The following PDPN variants were observed in gnomAD, a reference collection of about 807,000 sequenced individuals.
The protein encoded by PDPN is podoplanin, also known as PA2.26 antigen.
PDPN carries 12 observed loss-of-function variants against 23.2 expected under a neutral mutation model. That is an observed-to-expected ratio of 0.52 (90% CI 0.33 to 0.84). The LOEUF (loss-of-function observed/expected upper bound fraction) is 0.84. PDPN is among the 40% of genes least tolerant of loss of function. PDPN has a pLI of 0.02. For synonymous variants in PDPN, 77 were observed against 76.7 expected, an observed-to-expected ratio of 1.00 and a Z score of -0.02; for missense variants, 199 against 212.2, an observed-to-expected ratio of 0.94 and a Z score of 0.39.
At chr1:13,588,226 A>G (rs1311952404) in intron 1 of PDPN, among the ~76,000 whole-genome samples, 1 of 152,214 alleles carries the variant, frequency 6.6e-6, no homozygotes, top group Non-Finnish European at 1.5e-5. Context: ...CGTAGGCAAT[A>G]GAGGGAGACC....
At chr1:13,587,184 G>C (rs796169867) in intron 1 of PDPN, among the ~76,000 whole-genome samples, 7 of 152,218 alleles carry the variant, frequency 4.6e-5, no homozygotes, top group African/African-American at 1.7e-4. Flanking sequence ...TCCCCATAAT[G>C]TTCTTTTAAG....
In PDPN at chr1:13,610,393, A is replaced by G. The variant is rs776892392; in HGVS notation, c.208A>G (p.Thr70Ala). Residue 70 changes from threonine to alanine, a missense_variant, in exon 3 of 6, where the codon ACA (threonine) becomes GCA (alanine). Transcript: ENST00000621990. ...YKSGLTTLVATSVNSVTGIRI... is the reference protein window; with the variant it reads ...YKSGLTTLVAASVNSVTGIRI... ...TCATTTACACCTACAATAGGTGGCA[A>G]CAAGTGTCAACAGTGTAACAGGCAT... is the stretch of plus-strand genomic sequence containing the variant. 2.4e-5 allele frequency: 38 copies of G among 1,613,226 alleles called. No individual in the cohort carries two copies. Among genetic ancestry groups the G allele is most frequent in the Non-Finnish European group, 3.1e-5 (36 of 1,179,510 alleles).
Position 13,583,948 on chromosome 1 carries a change from G to GA in PDPN, c.-86_-85insA. The GA allele has an allele frequency of 6.2e-7, 1 of 1,613,712 alleles. No homozygotes were observed. On this transcript the variant is annotated 5_prime_UTR_variant, in exon 1 of 6. Transcript: ENST00000621990. Reference sequence around the variant, plus strand: ...CCACCGTCGCGCTCCTCCAGGCTGGGCCTGTGGCCGCGGTGCTTTTTAATT... The same window carrying GA: ...CCACCGTCGCGCTCCTCCAGGCTGGGACCTGTGGCCGCGGTGCTTTTTAATT...
At chr1:13,612,621 G>A (rs907353496) in intron 3 of PDPN, among the ~76,000 whole-genome samples, 1 of 152,134 alleles carries the variant, frequency 6.6e-6, no homozygotes, top group African/African-American at 2.4e-5. Flanking sequence ...GAGCTCTTAC[G>A]TGCTCTATAC....
At chr1:13,590,720 T>A (rs946325421) in intron 1 of PDPN, among the ~76,000 whole-genome samples, 1 of 151,970 alleles carries the variant, frequency 6.6e-6, no homozygotes, top group Non-Finnish European at 1.5e-5. Context: ...GATGAGTCCG[T>A]GCTGAGTGGA....
Position 13,616,228 on chromosome 1 carries a change from C to T in PDPN, c.*317C>T, listed in dbSNP as rs1001382614. On this transcript the variant is annotated 3_prime_UTR_variant, in exon 6 of 6. Coordinates refer to ENST00000621990, the MANE Select transcript of PDPN (RefSeq NM_006474.5). ...TGTAACTAACACTGGACCATTGGATCGATATTATATGCTGTAACCATGTGT... is the reference window on the plus strand; with the variant it reads ...TGTAACTAACACTGGACCATTGGATTGATATTATATGCTGTAACCATGTGT... 4 of 423,016 alleles carry T rather than the reference C, an allele frequency of 9.5e-6. No homozygotes were observed. Among genetic ancestry groups the T allele is most frequent in the Non-Finnish European group, 1.7e-5 (4 of 234,670 alleles). 26.2% of individuals were successfully genotyped at this position (423,016 alleles called of 1,614,324 possible).
intron 1 of PDPN, among the ~76,000 whole-genome samples, chr1:13,605,808 AGAT>A (rs560256013): frequency 1.2e-3 from 175 of 152,118 alleles, no homozygotes; most frequent in African/African-American, 4.0e-3. Flanking sequence ...TTTTTAGTAG[AGAT>A]GGGATTTCAC....
chr1:13,600,107 C>T (rs1309955840), intron 1 of PDPN, among the ~76,000 whole-genome samples: 1 of 152,074 alleles, frequency 6.6e-6, no homozygotes, highest in Non-Finnish European at 1.5e-5. Flanking sequence ...TCATAAGAGG[C>T]AGTGAGGTAC....
At chr1:13,599,671 A>T (rs1640593187) in intron 1 of PDPN, among the ~76,000 whole-genome samples, 1 of 151,924 alleles carries the variant, frequency 6.6e-6, no homozygotes, top group South Asian at 2.1e-4. Context: ...AGCTTATCTG[A>T]TGTGTTGCTT....
intron 1 of PDPN, chr1:13,585,635 C>T (rs143936048): frequency 1.2e-5 from 16 of 1,351,826 alleles, no homozygotes; most frequent in Non-Finnish European, 1.6e-5. Context: ...TCCTGAATGT[C>T]AAAGGTACTC....
intron 1 of PDPN, among the ~76,000 whole-genome samples, chr1:13,603,678 C>T (rs985884835): frequency 6.6e-6 from 1 of 151,724 alleles, no homozygotes; most frequent in African/African-American, 2.4e-5. Context: ...AACCTCCGCC[C>T]CCCGAGTTCA....
Position 13,583,997 on chromosome 1 carries a change from G to C in PDPN, c.-37G>C, listed in dbSNP as rs980612745. Reference sequence around the variant, plus strand: ...TTTTCCCCCAGCTCAGAATCTTGCTGCTCGGCCCCCAGGAGAGCAACAACT... The same window carrying C: ...TTTTCCCCCAGCTCAGAATCTTGCTCCTCGGCCCCCAGGAGAGCAACAACT... On this transcript the variant is annotated 5_prime_UTR_variant, in exon 1 of 6. Coordinates refer to ENST00000621990, the MANE Select transcript of PDPN (RefSeq NM_006474.5). 4 of 1,613,484 alleles carry C rather than the reference G, an allele frequency of 2.5e-6. No individual in the cohort carries two copies. In the African/African-American group the frequency reaches 4.0e-5, roughly 16 times the overall value.
At chr1:13,594,195 G>A (rs1265209256) in intron 1 of PDPN, among the ~76,000 whole-genome samples, 1 of 152,224 alleles carries the variant, frequency 6.6e-6, no homozygotes, top group African/African-American at 2.4e-5. Context: ...GCAGAATGGG[G>A]CCTTACCCTC....
chr1:13,590,184 T>A (rs916206415), intron 1 of PDPN, among the ~76,000 whole-genome samples: 2 of 152,262 alleles, frequency 1.3e-5, no homozygotes, highest in Non-Finnish European at 1.5e-5. Flanking sequence ...ACTTTGTTGG[T>A]TGCATACATA....
chr1:13,583,927 C>G lies in PDPN; in HGVS notation c.-107C>G, dbSNP rs1025334377. ...GCTCCCACCCCTCCGGCCCCCCCAC[C>G]GTCGCGCTCCTCCAGGCTGGGCCTG... On this transcript the variant is annotated 5_prime_UTR_variant, in exon 1 of 6. Coordinates refer to ENST00000621990, the MANE Select transcript of PDPN (RefSeq NM_006474.5). The G allele has an allele frequency of 1.9e-6, 3 of 1,613,076 alleles. No homozygotes were observed. Among genetic ancestry groups the G allele is most frequent in the Non-Finnish European group, 2.5e-6 (3 of 1,179,640 alleles).
rs540908587 is a variant in PDPN, at chr1:13,606,984, T to C, written c.68-189T>C. 2.3e-4 allele frequency among the ~76,000 whole-genome samples: 35 copies of C among 152,264 alleles called. 1 individual carries two copies. Among genetic ancestry groups the C allele is most frequent in the Admixed American group, 6.5e-4 (10 of 15,294 alleles). ...CTTTGCAACGGAGATAACCAGGGTG[T>C]TGATGTGTCAGAAGTGCTGCAAGGA... On this transcript the variant is annotated intron_variant, in intron 1 of 5. Coordinates refer to ENST00000621990, the MANE Select transcript of PDPN (RefSeq NM_006474.5).
At chr1:13,600,522 G>A (rs1640616510) in intron 1 of PDPN, among the ~76,000 whole-genome samples, 1 of 152,066 alleles carries the variant, frequency 6.6e-6, no homozygotes, top group Non-Finnish European at 1.5e-5. Context: ...GCGCCACCAT[G>A]GCCAGCTAAT....
chr1:13,609,721 T>C (rs1640885797), intron 2 of PDPN, among the ~76,000 whole-genome samples: 1 of 152,252 alleles, frequency 6.6e-6, no homozygotes, highest in Non-Finnish European at 1.5e-5. Flanking sequence ...CTTAGCATAA[T>C]GTCCTCAAGG....
chr1:13,585,500 C>T (rs1640151622), intron 1 of PDPN: 1 of 1,345,582 alleles, frequency 7.4e-7, no homozygotes, highest in South Asian at 1.1e-5. Flanking sequence ...CCGTTTTGTG[C>T]TCACCAGGGC....
Sources: gnomAD v4.1 joint callset for allele counts (sites outside exome capture counted in the v4.1 genomes callset) on GRCh38, gnomAD v4.1.1 for gene constraint, MANE v1.5 for transcripts, NCBI Gene and HGNC (gene_info 2026-07-23, HGNC 2026-07-21) for gene names.